The following LRGUK variants were observed in gnomAD, a reference collection of about 807,000 sequenced individuals.
LRGUK encodes leucine rich repeats and guanylate kinase domain containing, also known as leucine-rich repeat and guanylate kinase domain-containing protein.
In LRGUK, 65 loss-of-function variants were observed where a neutral mutation model predicts 76.0. The observed-to-expected ratio is 0.85, with a 90% CI of 0.70 to 1.05. The LOEUF is 1.05. Ranked by LOEUF, LRGUK falls within the 50% of genes least tolerant of loss-of-function variation. The pLI is 0.00. For missense variants in LRGUK, 758 were observed against 732.8 expected, an observed-to-expected ratio of 1.03 and a Z score of -0.40; for synonymous variants, 268 against 265.6, an observed-to-expected ratio of 1.01 and a Z score of -0.09.
At chr7:134,203,004 A>T (rs1333836674) in intron 15 of LRGUK, among the ~76,000 whole-genome samples, 1 of 152,156 alleles carries the variant, frequency 6.6e-6, no homozygotes, top group South Asian at 2.1e-4. Flanking sequence ...GGAGATAGAG[A>T]TCATCCTGGC....
At chr7:134,274,598 T>C in the LRGUK span, among the ~76,000 whole-genome samples, 4 of 142,514 alleles carry the variant, frequency 2.8e-5, no homozygotes, top group Admixed American at 6.7e-5. Flanking sequence ...TGTGTTTTAG[T>C]CTCTTTCTTA....
At chr7:134,145,875 T>C (rs17167498) in intron 4 of LRGUK, among the ~76,000 whole-genome samples, 19,762 of 152,280 alleles carry the variant, frequency 0.13, 1,633 homozygotes, top group East Asian at 0.32. Context: ...AGAATGCTTT[T>C]GCTCTTACTA....
chr7:134,177,064 G>A lies in LRGUK; in HGVS notation c.1107+1G>A. On this transcript the variant is annotated splice_donor_variant, in intron 9 of 15. Coordinates refer to ENST00000645682, the Ensembl canonical transcript of LRGUK. LOFTEE classifies it high-confidence loss of function. ...GAAGAAGATTAAAGTGGAAGAAAAG[G>A]TATGTAATCATGTCATAACATTACC... is the stretch of plus-strand genomic sequence containing the variant. The A allele has an allele frequency of 6.3e-7, 1 of 1,576,970 alleles. No homozygotes were observed. Among genetic ancestry groups the A allele is most frequent in the East Asian group, 2.3e-5 (1 of 44,370 alleles).
At chr7:134,264,862 GTACTATACTCATTGTTAAATA>G (rs1469783261), downstream of LRGUK, among the ~76,000 whole-genome samples, 1 of 152,154 alleles carries the variant, frequency 6.6e-6, no homozygotes, top group African/African-American at 2.4e-5. Flanking sequence ...CCTCCACATA[GTACTATACTCATTGTTAAATA>G]TTTTGAATAT....
At chr7:134,157,318 A>C (rs7784775) in intron 5 of LRGUK, among the ~76,000 whole-genome samples, 19,681 of 152,142 alleles carry the variant, frequency 0.13, 1,608 homozygotes, top group East Asian at 0.32. Context: ...CTCTTAGCCC[A>C]GTTATGAGGA....
At chr7:134,236,700 C>T (rs1014372434) in intron 16 of LRGUK, among the ~76,000 whole-genome samples, 7 of 152,166 alleles carry the variant, frequency 4.6e-5, no homozygotes, top group African/African-American at 9.7e-5. Flanking sequence ...CACCCATAGG[C>T]GCCTATAGGG....
intron 19 of LRGUK, among the ~76,000 whole-genome samples, chr7:134,259,416 G>T (rs2117227770): frequency 6.6e-6 from 1 of 152,266 alleles, no homozygotes; most frequent in Non-Finnish European, 1.5e-5. Context: ...ACTCTCTAAT[G>T]CATGGAGGCT....
At chr7:134,208,930 T>C (rs1585558615) in exon 16 of LRGUK, 1 of 399,090 alleles carries the variant, frequency 2.5e-6, no homozygotes, top group East Asian at 3.6e-5. Flanking sequence ...CTGACAGCCA[T>C]CTCAATCCTG....
intron 5 of LRGUK, among the ~76,000 whole-genome samples, chr7:134,154,760 C>T (rs1798387455): frequency 6.6e-6 from 1 of 152,208 alleles, no homozygotes; most frequent in African/African-American, 2.4e-5. Context: ...TGAATTCCTC[C>T]TCCTTTCTGT....
chr7:134,141,609 C>G (rs1187138700), intron 3 of LRGUK: 2 of 152,238 alleles, frequency 1.3e-5, no homozygotes, highest in Non-Finnish European at 2.9e-5. Context: ...CTCTTTGTCT[C>G]TAGCTAAGTA....
the LRGUK span, among the ~76,000 whole-genome samples, chr7:134,271,359 A>C: frequency 6.6e-6 from 1 of 151,770 alleles, no homozygotes; most frequent in Non-Finnish European, 1.5e-5. Flanking sequence ...TTTAGATCTT[A>C]TGAGTTTCTT....
At chr7:134,139,950 A>C (rs780225974) in intron 3 of LRGUK, among the ~76,000 whole-genome samples, 9 of 151,396 alleles carry the variant, frequency 5.9e-5, no homozygotes, top group Non-Finnish European at 1.2e-4. Flanking sequence ...CTGCATTTTG[A>C]AAATCTTATT....
chr7:134,218,486 C>A (rs1258820166), intron 15 of LRGUK, among the ~76,000 whole-genome samples: 4 of 152,102 alleles, frequency 2.6e-5, no homozygotes, highest in Non-Finnish European at 4.4e-5. Context: ...TATAAGAAAT[C>A]TTATTAATGT....
At chr7:134,162,826 C>CAAAAAAAA (rs11445116) in intron 6 of LRGUK, among the ~76,000 whole-genome samples, 1 of 61,180 alleles carries the variant, frequency 1.6e-5, no homozygotes, top group African/African-American at 6.6e-5. Context: ...GACTCCTTCT[C>CAAAAAAAA]AAAAAAAAAA....
intron 19 of LRGUK, among the ~76,000 whole-genome samples, chr7:134,261,288 T>C (rs1802720279): frequency 1.6e-5 from 2 of 125,938 alleles, no homozygotes; most frequent in African/African-American, 6.4e-5. Context: ...ATATGTGAAG[T>C]TGATTTTTTT....
At chr7:134,183,993 AT>A in intron 11 of LRGUK, 140 bp downstream of exon 11, 15 of 1,139,484 alleles carry the variant, frequency 1.3e-5, no homozygotes, top group Admixed American at 2.4e-5. Flanking sequence ...AAACAACTTA[AT>A]ATTTAAGTTA....
chr7:134,172,621 C>A (rs1218188020), intron 7 of LRGUK, among the ~76,000 whole-genome samples: 1 of 152,214 alleles, frequency 6.6e-6, no homozygotes, highest in Non-Finnish European at 1.5e-5. Context: ...ATGGCCACAA[C>A]TTGTTGGTGA....
chr7:134,258,185 G>C lies in LRGUK; in HGVS notation c.2199-72G>C, dbSNP rs1053050396. On this transcript the variant is annotated intron_variant, in intron 18 of 19. Coordinates refer to the LRGUK transcript ENST00000285928. ...TAAAGGTAACCCAGTGAAGTCATAGGCATAGATCGTGTGGCCATTAGTAGC... is the reference window on the plus strand; with the variant it reads ...TAAAGGTAACCCAGTGAAGTCATAGCCATAGATCGTGTGGCCATTAGTAGC... 26 of 1,581,304 alleles carry C rather than the reference G, an allele frequency of 1.6e-5. No individual in the cohort carries two copies. In the African/African-American group the frequency reaches 3.2e-4, roughly 20 times the overall value.
intron 15 of LRGUK, among the ~76,000 whole-genome samples, chr7:134,206,651 C>T (rs1199229583): frequency 1.3e-5 from 2 of 151,280 alleles, no homozygotes; most frequent in African/African-American, 2.4e-5. Context: ...ATTTCTAATA[C>T]CCGAAGGCTT....
Sources: gnomAD v4.1 joint callset for allele counts (sites outside exome capture counted in the v4.1 genomes callset) on GRCh38, gnomAD v4.1.1 for gene constraint, MANE v1.5 for transcripts, NCBI Gene and HGNC (gene_info 2026-07-23, HGNC 2026-07-21) for gene names.